The following IMMP2L variants were observed in gnomAD, a reference collection of about 807,000 sequenced individuals.
IMMP2L encodes the protein mitochondrial inner membrane protease subunit 2.
IMMP2L carries 18 observed loss-of-function variants against 19.3 expected under a neutral mutation model. The ratio of observed to expected loss-of-function variants is 0.93; its 90% CI spans 0.64 to 1.38. The LOEUF is 1.38. Ranked by LOEUF, IMMP2L falls within the 40% of genes most tolerant of loss-of-function variation. IMMP2L has a pLI of 0.00. For synonymous variants in IMMP2L, 76 were observed against 73.0 expected (o/e 1.04, Z -0.21); for missense variants, 233 against 218.2 (o/e 1.07, Z -0.43).
chr7:111,384,265 G>A (rs1171937264), intron 3 of IMMP2L, among the ~76,000 whole-genome samples: 6 of 149,202 alleles, frequency 4.0e-5, no homozygotes, highest in Non-Finnish European at 8.9e-5. Context: ...AAAGGAGAAA[G>A]GAGAGAGGAG....
At position 111,498,572 on chromosome 7, in the gene IMMP2L, T is replaced by C. The variant is rs150460742; in HGVS notation, c.136-11231A>G. On this transcript the variant is annotated intron_variant, in intron 2 of 5. Transcript: ENST00000405709. ...TAAGGTGTGTAGCACAGAAAGGAAG[T>C]GATTCAACAAATAACAAAGATTTTA... is the stretch of plus-strand genomic sequence containing the variant. 4.9e-3 allele frequency among the ~76,000 whole-genome samples: 745 copies of C among 151,840 alleles called. 7 individuals carry two copies. The highest frequency in any genetic ancestry group is 0.017 in the African/African-American group (720 of 41,434).
chr7:111,256,323 G>A (rs1816691361), intron 3 of IMMP2L, among the ~76,000 whole-genome samples: 1 of 151,966 alleles, frequency 6.6e-6, no homozygotes, highest in South Asian at 2.1e-4. Context: ...ATCTGCAAAT[G>A]ATGTACATAT....
intron 3 of IMMP2L, among the ~76,000 whole-genome samples, chr7:110,972,961 G>A (rs1820302138): frequency 6.6e-6 from 1 of 152,044 alleles, no homozygotes. Flanking sequence ...AGGTTAGCCT[G>A]AAAAACTTCT....
chr7:111,121,709 A>G (rs1169830434), intron 3 of IMMP2L, among the ~76,000 whole-genome samples: 1 of 152,144 alleles, frequency 6.6e-6, no homozygotes, highest in Non-Finnish European at 1.5e-5. Flanking sequence ...ATACCATTTG[A>G]CCCAGCCAAC....
chr7:111,033,706 C>CA (rs1250413632), intron 3 of IMMP2L, among the ~76,000 whole-genome samples: 1 of 152,076 alleles, frequency 6.6e-6, no homozygotes, highest in Non-Finnish European at 1.5e-5. Context: ...TGAAATATGG[C>CA]AATCTGAGGA....
chr7:110,714,282 T>C (rs1279770683), intron 5 of IMMP2L, among the ~76,000 whole-genome samples: 4 of 152,232 alleles, frequency 2.6e-5, no homozygotes, highest in South Asian at 2.1e-4. Context: ...GCCTACTTGA[T>C]TGTGGTGAAT....
At chr7:110,987,551 C>T (rs964897129) in intron 3 of IMMP2L, among the ~76,000 whole-genome samples, 16 of 152,172 alleles carry the variant, frequency 1.1e-4, no homozygotes, top group African/African-American at 2.9e-4. Context: ...GCTAGTTTTC[C>T]AAGATGTTAA....
At chr7:111,024,119 T>G (rs1826573242) in intron 3 of IMMP2L, among the ~76,000 whole-genome samples, 1 of 152,226 alleles carries the variant, frequency 6.6e-6, no homozygotes, top group African/African-American at 2.4e-5. Context: ...AAATAGAGAA[T>G]GCAGGTTGAA....
chr7:111,198,893 C>T (rs1360919083), intron 3 of IMMP2L, among the ~76,000 whole-genome samples: 1 of 152,024 alleles, frequency 6.6e-6, no homozygotes, highest in African/African-American at 2.4e-5. Flanking sequence ...CAAAAACTAC[C>T]AATTGAATTG....
At chr7:111,341,344 T>C (rs1826988994) in intron 3 of IMMP2L, among the ~76,000 whole-genome samples, 1 of 152,034 alleles carries the variant, frequency 6.6e-6, no homozygotes, top group Non-Finnish European at 1.5e-5. Context: ...TGCATTCTAA[T>C]GGAGGGAAAC....
At chr7:110,989,090 C>T (rs933036866) in intron 3 of IMMP2L, among the ~76,000 whole-genome samples, 2 of 152,068 alleles carry the variant, frequency 1.3e-5, no homozygotes, top group Non-Finnish European at 2.9e-5. Context: ...ACAAAATTAG[C>T]CGGGTGTCGT....
chr7:110,706,333 G>A (rs1406463100), intron 5 of IMMP2L, among the ~76,000 whole-genome samples: 2 of 152,014 alleles, frequency 1.3e-5, no homozygotes, highest in African/African-American at 2.4e-5. Flanking sequence ...TGAACTCCAG[G>A]GCCCCAGCAA....
At chr7:110,832,207 G>A (rs954679066) in intron 5 of IMMP2L, among the ~76,000 whole-genome samples, 1 of 152,148 alleles carries the variant, frequency 6.6e-6, no homozygotes, top group Non-Finnish European at 1.5e-5. Flanking sequence ...GTTGCAGTGA[G>A]CCGAGATTGC....
chr7:111,435,464 G>C (rs963508456), intron 3 of IMMP2L, among the ~76,000 whole-genome samples: 7 of 151,756 alleles, frequency 4.6e-5, no homozygotes, highest in African/African-American at 1.7e-4. Context: ...TATAAATGGA[G>C]GCTAAACAAT....
chr7:111,409,663 C>T (rs1349355954), intron 3 of IMMP2L, among the ~76,000 whole-genome samples: 8 of 151,698 alleles, frequency 5.3e-5, no homozygotes, highest in East Asian at 1.9e-4. Flanking sequence ...TAACATAAAG[C>T]TTGCTTCTAA....
chr7:110,786,254 A>G (rs1368186641), intron 5 of IMMP2L, among the ~76,000 whole-genome samples: 3 of 151,960 alleles, frequency 2.0e-5, no homozygotes, highest in Admixed American at 1.3e-4. Flanking sequence ...ATCTCAATAT[A>G]TATCTATGGA....
Position 111,025,201 on chromosome 7 carries a change from A to C in IMMP2L, c.240-61636T>G, listed in dbSNP as rs113842083. ...AGAAACTCAGGGGCCTATACGCACC[A>C]GGCAGGTGATGTAAACAAGTAAAGT... is the stretch of plus-strand genomic sequence containing the variant. On this transcript the variant is annotated intron_variant, in intron 3 of 5. Coordinates refer to ENST00000405709, the MANE Select transcript of IMMP2L (RefSeq NM_032549.4). Among the ~76,000 whole-genome samples, 1,223 of 152,328 alleles carry C rather than the reference A, an allele frequency of 8.0e-3. 21 individuals are homozygous for C. Among genetic ancestry groups the C allele is most frequent in the African/African-American group, 0.028 (1,179 of 41,568 alleles).
intron 3 of IMMP2L, among the ~76,000 whole-genome samples, chr7:111,052,051 A>G (rs751728531): frequency 6.6e-6 from 1 of 152,220 alleles, no homozygotes; most frequent in Non-Finnish European, 1.5e-5. Context: ...ATGACAAAAC[A>G]GATTCTTTGT....
chr7:110,997,380 A>G (rs1315835693), intron 3 of IMMP2L, among the ~76,000 whole-genome samples: 4 of 152,076 alleles, frequency 2.6e-5, no homozygotes, highest in Non-Finnish European at 1.5e-5. Context: ...GTTTGTATCA[A>G]TGTAAGTTTC....
Sources: allele counts gnomAD v4.1 joint callset (sites outside exome capture counted in the v4.1 genomes callset), GRCh38; gene constraint gnomAD v4.1.1; transcripts MANE v1.5; gene names NCBI Gene and HGNC (gene_info 2026-07-23, HGNC 2026-07-21).